LDLRAD3: variants seen among roughly 807,000 people sequenced by gnomAD.
LDLRAD3 encodes low density lipoprotein receptor class A domain containing 3, also known as low-density lipoprotein receptor class A domain-containing protein 3.
In LDLRAD3, 20 loss-of-function variants were observed where a neutral mutation model predicts 29.4. That is an observed-to-expected ratio of 0.68 (90% confidence interval 0.48 to 0.99). The LOEUF is 0.99. Ranked by LOEUF, LDLRAD3 falls within the 50% of genes least tolerant of loss-of-function variation. The pLI is 0.00. For missense variants in LDLRAD3, 420 were observed against 454.3 expected (o/e 0.92, Z 0.69); for synonymous variants, 157 against 192.7 (o/e 0.81, Z 1.53).
At chr11:35,961,134 C>G (rs925972235) in intron 1 of LDLRAD3, among the ~76,000 whole-genome samples, 1 of 152,154 alleles carries the variant, frequency 6.6e-6, no homozygotes, top group Non-Finnish European at 1.5e-5. Flanking sequence ...GAATGTTTCC[C>G]AATTGTGTGG....
intron 1 of LDLRAD3, among the ~76,000 whole-genome samples, chr11:36,003,980 G>A (rs1269254865): frequency 6.6e-6 from 1 of 152,114 alleles, no homozygotes; most frequent in Admixed American, 6.6e-5. Flanking sequence ...CAGCAAAGGG[G>A]AAATCTGCCC....
At chr11:36,155,739 C>T (rs1854340029) in intron 4 of LDLRAD3, among the ~76,000 whole-genome samples, 3 of 152,174 alleles carry the variant, frequency 2.0e-5, no homozygotes, top group Non-Finnish European at 4.4e-5. Context: ...CTTGTTCACC[C>T]CTGTTATTCC....
intron 1 of LDLRAD3, among the ~76,000 whole-genome samples, chr11:35,980,251 C>T (rs1296943156): frequency 3.3e-5 from 5 of 152,114 alleles, no homozygotes; most frequent in Non-Finnish European, 7.3e-5. Flanking sequence ...AAATAAATGA[C>T]CCATGGACAG....
chr11:36,096,947 G>A (rs1853369944), intron 3 of LDLRAD3, among the ~76,000 whole-genome samples: 2 of 152,340 alleles, frequency 1.3e-5, no homozygotes, highest in South Asian at 2.1e-4. Flanking sequence ...GGCTGAACTA[G>A]TTATTGAAAA....
rs1852838413 is a variant in LDLRAD3 at position 36,068,672 on chromosome 11, A to G, written c.194-12981A>G. ...GCTGGGACTACAGGCATGTGCCACC[A>G]CACCTGGCTAATTTTTTGTATTTTT... On this transcript the variant is annotated intron_variant, in intron 2 of 5. Transcript: ENST00000315571. Among the ~76,000 whole-genome samples, 3 of 152,100 alleles carry G rather than the reference A, an allele frequency of 2.0e-5. No homozygotes were observed. In the South Asian group the frequency reaches 6.2e-4, roughly 32 times the overall value.
At chr11:35,972,517 T>G (rs2133148391) in intron 1 of LDLRAD3, 1 of 152,270 alleles carries the variant, frequency 6.6e-6, no homozygotes, top group African/African-American at 2.4e-5. Flanking sequence ...GTTTACTGGT[T>G]ACCCATTCTC....
chr11:36,154,213 C>T (rs940489808), intron 4 of LDLRAD3, among the ~76,000 whole-genome samples: 11 of 152,108 alleles, frequency 7.2e-5, no homozygotes, highest in Non-Finnish European at 8.8e-5. Flanking sequence ...AATGCCACAC[C>T]GACTGAAAGT....
At chr11:36,172,344 C>T (rs910847937) in intron 4 of LDLRAD3, among the ~76,000 whole-genome samples, 3 of 151,668 alleles carry the variant, frequency 2.0e-5, no homozygotes, top group African/African-American at 7.3e-5. Context: ...TTTGATTGCT[C>T]TGGCTAGGAC....
chr11:36,054,731 A>ATGGG (rs1852581504), intron 2 of LDLRAD3, among the ~76,000 whole-genome samples: 1 of 151,014 alleles, frequency 6.6e-6, no homozygotes, highest in Non-Finnish European at 1.5e-5. Flanking sequence ...GGATGGATGG[A>ATGGG]TGGATGGAAG....
chr11:36,052,824 G>A (rs1299907186), intron 2 of LDLRAD3, among the ~76,000 whole-genome samples: 1 of 152,184 alleles, frequency 6.6e-6, no homozygotes, highest in African/African-American at 2.4e-5. Context: ...CATGCAACTG[G>A]TTGTCCTTGG....
intron 4 of LDLRAD3, among the ~76,000 whole-genome samples, chr11:36,115,693 G>A (rs182763761): frequency 6.6e-6 from 1 of 152,270 alleles, no homozygotes; most frequent in African/African-American, 2.4e-5. Flanking sequence ...GCATCATCCA[G>A]CGAGGCTGTA....
At chr11:36,207,912 G>C (rs1246650824) in intron 4 of LDLRAD3, among the ~76,000 whole-genome samples, 1 of 152,144 alleles carries the variant, frequency 6.6e-6, no homozygotes, top group Non-Finnish European at 1.5e-5. Flanking sequence ...AACTGCTTAT[G>C]TATGAAACAG....
chr11:36,109,268 G>A (rs1032192283), intron 4 of LDLRAD3, among the ~76,000 whole-genome samples: 18 of 152,210 alleles, frequency 1.2e-4, no homozygotes, highest in Middle Eastern at 3.4e-3. Context: ...GGAGTGGTCC[G>A]TGGTGGCCTG....
At chr11:35,963,363 C>A (rs1185231134) in intron 1 of LDLRAD3, among the ~76,000 whole-genome samples, 1 of 151,752 alleles carries the variant, frequency 6.6e-6, no homozygotes, top group African/African-American at 2.4e-5. Context: ...CACATTCTGA[C>A]AGTTAGATGT....
intron 4 of LDLRAD3, among the ~76,000 whole-genome samples, chr11:36,202,328 G>A (rs1409166152): frequency 1.3e-5 from 2 of 152,112 alleles, no homozygotes; most frequent in African/African-American, 2.4e-5. Context: ...GTGAGCCACT[G>A]CGCCTGGCAG....
chr11:36,090,984 A>T lies in LDLRAD3; in HGVS notation c.320-7343A>T, dbSNP rs1184815187. Among the ~76,000 whole-genome samples, 3 of 152,290 alleles carry T rather than the reference A, an allele frequency of 2.0e-5. No homozygotes were observed. In the East Asian group the frequency reaches 5.8e-4, roughly 29 times the overall value. Reference sequence around the variant, plus strand: ...GCAGCGAGCATTTTCCAAGTCACAAAGGGTGCAGGGCTTGTTGTCGGGATG... The same window carrying T: ...GCAGCGAGCATTTTCCAAGTCACAATGGGTGCAGGGCTTGTTGTCGGGATG... On this transcript the variant is annotated intron_variant, in intron 3 of 5. Coordinates refer to ENST00000315571, the MANE Select transcript of LDLRAD3 (RefSeq NM_174902.4).
chr11:36,027,456 A>G (rs986339719), intron 1 of LDLRAD3, among the ~76,000 whole-genome samples: 1 of 152,058 alleles, frequency 6.6e-6, no homozygotes, highest in African/African-American at 2.4e-5. Context: ...GTTTATATCT[A>G]TTGATGATTA....
intron 4 of LDLRAD3, among the ~76,000 whole-genome samples, chr11:36,110,346 T>A (rs923396187): frequency 2.0e-5 from 3 of 152,164 alleles, no homozygotes; most frequent in African/African-American, 7.2e-5. Flanking sequence ...AGTTGGTCCC[T>A]GCCTCTGTCC....
chr11:36,001,273 A>G (rs1386557569), intron 1 of LDLRAD3: 2 of 152,220 alleles, frequency 1.3e-5, no homozygotes, highest in African/African-American at 2.4e-5. Context: ...ACATATGTAT[A>G]CATGTGCCAT....
Sources: gnomAD v4.1 joint callset for allele counts (sites outside exome capture counted in the v4.1 genomes callset) on GRCh38, gnomAD v4.1.1 for gene constraint, MANE v1.5 for transcripts, NCBI Gene and HGNC (gene_info 2026-07-23, HGNC 2026-07-21) for gene names.